PPP6R2: variants seen among roughly 807,000 people sequenced by gnomAD.
The protein encoded by PPP6R2 is protein phosphatase 6 regulatory subunit 2.
Under a neutral mutation model 100.2 loss-of-function variants are expected in PPP6R2, and 62 were observed. The observed-to-expected ratio is 0.62, with a 90% CI of 0.50 to 0.76. PPP6R2 has a LOEUF of 0.76. Ranked by LOEUF, PPP6R2 falls within the 30% of genes least tolerant of loss-of-function variation. PPP6R2 has a pLI of 0.00. For missense variants in PPP6R2, 1,142 were observed against 1,276.3 expected (o/e 0.89, Z 1.60); for synonymous variants, 525 against 514.7 (o/e 1.02, Z -0.27).
intron 1 of PPP6R2, among the ~76,000 whole-genome samples, chr22:50,351,933 A>G (rs1312836260): frequency 6.6e-6 from 1 of 152,088 alleles, no homozygotes; most frequent in African/African-American, 2.4e-5. Flanking sequence ...AGCTGGGACT[A>G]CAGGTGCACA....
chr22:50,437,742 G>T, intron 16 of PPP6R2, 101 bp from the exon 17 acceptor site: 1 of 1,429,934 alleles, frequency 7.0e-7, no homozygotes, highest in Non-Finnish European at 9.6e-7. Context: ...AGTTGTGTGA[G>T]GGTGCTGAGG....
At chr22:50,346,478 C>T (rs1320318499) in intron 1 of PPP6R2, among the ~76,000 whole-genome samples, 1 of 117,362 alleles carries the variant, frequency 8.5e-6, no homozygotes, top group Non-Finnish European at 1.8e-5. Flanking sequence ...GTCAGGGCCC[C>T]CTCCAGTCAG....
At chr22:50,352,130 G>T (rs201950469) in intron 1 of PPP6R2, among the ~76,000 whole-genome samples, 1 of 150,950 alleles carries the variant, frequency 6.6e-6, no homozygotes, top group Non-Finnish European at 1.5e-5. Context: ...TAGTAGAGAC[G>T]GGGTTTCACC....
At chr22:50,396,201 A>G (rs933375755) in intron 3 of PPP6R2, among the ~76,000 whole-genome samples, 1 of 147,164 alleles carries the variant, frequency 6.8e-6, no homozygotes, top group Non-Finnish European at 1.5e-5. Context: ...GGCTCAAAAA[A>G]AAAAAAAAAA....
intron 2 of PPP6R2, among the ~76,000 whole-genome samples, chr22:50,382,472 C>T (rs1442059366): frequency 6.6e-6 from 1 of 151,532 alleles, no homozygotes; most frequent in Non-Finnish European, 1.5e-5. Flanking sequence ...GTGGCTCACG[C>T]CTGTAATCCC....
chr22:50,375,033 A>G (rs1569327679), intron 2 of PPP6R2, among the ~76,000 whole-genome samples: 1 of 152,198 alleles, frequency 6.6e-6, no homozygotes, highest in African/African-American at 2.4e-5. Flanking sequence ...GATTACCTAA[A>G]ATGGAACATT....
At position 50,355,385 on chromosome 22, in the gene PPP6R2, C is replaced by A. The variant is rs561000278; in HGVS notation, c.-148+11835C>A. Among the ~76,000 whole-genome samples the A allele has an allele frequency of 2.6e-5, 4 of 151,296 alleles. No individual in the cohort carries two copies. The East Asian group carries it at 7.8e-4, about 29-fold the overall frequency. On this transcript the variant is annotated intron_variant, in intron 1 of 23. Coordinates refer to ENST00000612753, the MANE Select transcript of PPP6R2 (RefSeq NM_001242898.2). ...CTCCGAGTAGCTGGGACTGCAGGTA[C>A]CTGCCACCACGCCCGGCTAATTTTT...
At chr22:50,339,287 TTG>T (rs1459755440), upstream of PPP6R2, among the ~76,000 whole-genome samples, 5 of 87,708 alleles carry the variant, frequency 5.7e-5, no homozygotes, top group East Asian at 1.1e-3. Context: ...AGGGTGTGTG[TTG>T]TGTGTGGTAT....
intron 1 of PPP6R2, among the ~76,000 whole-genome samples, chr22:50,348,802 T>A (rs2044325715): frequency 6.6e-6 from 1 of 152,076 alleles, no homozygotes; most frequent in Non-Finnish European, 1.5e-5. Flanking sequence ...GTGCGGTGGT[T>A]CACGCCTGTA....
rs2058135537 is a variant in PPP6R2, at chr22:50,402,057, T to C, written c.228-4632T>C. 3.3e-5 allele frequency among the ~76,000 whole-genome samples: 5 copies of C among 152,152 alleles called. 1 individual carries two copies. In the South Asian group the frequency reaches 1.0e-3, roughly 31 times the overall value. On this transcript the variant is annotated intron_variant, in intron 3 of 23. Coordinates refer to ENST00000612753, the MANE Select transcript of PPP6R2 (RefSeq NM_001242898.2). The stretch of plus-strand genomic sequence containing the variant: ...TGAGAACATTGTAGTTTAAAAGAGT[T>C]TCCTTCTGTTCTCTACACTTGCTCT...
chr22:50,354,955 C>G (rs2046143662), intron 1 of PPP6R2, among the ~76,000 whole-genome samples: 1 of 149,462 alleles, frequency 6.7e-6, no homozygotes, highest in Non-Finnish European at 1.5e-5. Context: ...ACAGCCTTGA[C>G]CTGCCAGGCT....
chr22:50,378,317 G>A (rs1306497926), intron 2 of PPP6R2, among the ~76,000 whole-genome samples: 4 of 152,120 alleles, frequency 2.6e-5, no homozygotes, highest in South Asian at 2.1e-4. Context: ...GCTGGGTGCG[G>A]TGGGTCACCC....
At chr22:50,425,444 C>G (rs1239281258) in intron 10 of PPP6R2, among the ~76,000 whole-genome samples, 1 of 152,196 alleles carries the variant, frequency 6.6e-6, no homozygotes, top group Non-Finnish European at 1.5e-5. Context: ...GTGAATAACA[C>G]TGCTGTATAT....
intron 2 of PPP6R2, among the ~76,000 whole-genome samples, chr22:50,379,140 C>G (rs2148644418): frequency 6.6e-6 from 1 of 152,238 alleles, no homozygotes; most frequent in South Asian, 2.1e-4. Flanking sequence ...ATTACCCAGT[C>G]TAAGATATTT....
chr22:50,399,519 C>T (rs1257839156), intron 3 of PPP6R2, among the ~76,000 whole-genome samples: 2 of 152,260 alleles, frequency 1.3e-5, no homozygotes, highest in African/African-American at 4.8e-5. Flanking sequence ...CAGGGTTCTC[C>T]TGCAGACCTG....
chr22:50,336,834 G>A, the PPP6R2 span, among the ~76,000 whole-genome samples: 4 of 151,718 alleles, frequency 2.6e-5, no homozygotes, highest in African/African-American at 9.7e-5. Flanking sequence ...AGCCTCCAGA[G>A]TAGCTGGGAC....
At chr22:50,355,268 C>A (rs190618151) in intron 1 of PPP6R2, among the ~76,000 whole-genome samples, 6 of 146,804 alleles carry the variant, frequency 4.1e-5, no homozygotes, top group Non-Finnish European at 7.4e-5. Context: ...GACAGAGTCT[C>A]GCTCTGTAGC....
At chr22:50,369,157 G>C (rs1308784504) in intron 1 of PPP6R2, among the ~76,000 whole-genome samples, 1 of 151,614 alleles carries the variant, frequency 6.6e-6, no homozygotes, top group African/African-American at 2.4e-5. Flanking sequence ...AGAATCGCTT[G>C]AACCTAGGAG....
Position 50,423,668 on chromosome 22 carries a change from C to G in PPP6R2, c.1125+54C>G, listed in dbSNP as rs930061579. ...TGTCTGTGAGTGTGCCGGGCATGGC[C>G]TGTGGACTTGTCAGGAGCAGCAGAG... On this transcript the variant is annotated intron_variant, in intron 10 of 23. Coordinates refer to ENST00000612753, the MANE Select transcript of PPP6R2 (RefSeq NM_001242898.2). The surrounding 1 kb of genome is among the most constrained non-coding windows in gnomAD (Gnocchi z 4.8). The G allele has an allele frequency of 5.7e-5, 91 of 1,600,856 alleles. No homozygotes were observed. The highest frequency in any genetic ancestry group is 7.4e-5 in the Non-Finnish European group (87 of 1,170,858).
Sources: gnomAD v4.1 joint callset for allele counts (sites outside exome capture counted in the v4.1 genomes callset) on GRCh38, gnomAD v4.1.1 for gene constraint, Gnocchi (gnomAD v3.1) non-coding constraint, MANE v1.5 for transcripts, NCBI Gene and HGNC (gene_info 2026-07-23, HGNC 2026-07-21) for gene names.